Variants in SRPX2 observed in about 807,000 individuals in gnomAD.
The protein encoded by SRPX2 is sushi repeat-containing protein SRPX2.
A neutral mutation model predicts 45.3 loss-of-function variants in SRPX2; 26 were observed. The observed-to-expected ratio is 0.57, with a 90% CI of 0.42 to 0.80. The LOEUF is 0.80. Among genes scored for constraint, SRPX2 ranks in the 30% least tolerant of loss-of-function variants. The probability of loss-of-function intolerance (pLI) is 0.00; values close to 1 mark genes in which losing one functional copy is unlikely to be tolerated. For synonymous variants in SRPX2, 125 were observed against 143.7 expected (o/e 0.87, Z 0.93); for missense variants, 355 against 399.8 (o/e 0.89, Z 0.95).
chrX:100,648,467 G>C (rs1176138684), intron 2 of SRPX2, among the ~76,000 whole-genome samples: 1 of 111,752 alleles, frequency 8.9e-6, no homozygotes, highest in Admixed American at 9.5e-5. Context: ...CAGGGCTGAA[G>C]AGGGACAAGC....
chrX:100,665,421 C>T lies in SRPX2; in HGVS notation c.659+52C>T, dbSNP rs760496598. 7.5e-6 allele frequency: 9 copies of T among 1,206,172 alleles called. No homozygotes were observed. The East Asian group carries it at 2.7e-4, about 36-fold the overall frequency. ...ATGCCTTCCCTCGGCTTCTCTCAGT[C>T]ATTCAGGCTGGTCACATTGAAACTG... On this transcript the variant is annotated intron_variant, in intron 6 of 10. Transcript: ENST00000373004.
chrX:100,660,047 C>T (rs886301174), intron 3 of SRPX2, among the ~76,000 whole-genome samples: 1 of 111,842 alleles, frequency 8.9e-6, no homozygotes, highest in Non-Finnish European at 1.9e-5. Context: ...GTGCTCAGTA[C>T]TGAACTGGGA....
chrX:100,648,134 GA>G (rs34905837), intron 2 of SRPX2, among the ~76,000 whole-genome samples: 1 of 112,396 alleles, frequency 8.9e-6, no homozygotes, highest in Non-Finnish European at 1.9e-5. Context: ...GGGCTAATCA[GA>G]AAAAGGGTCC....
In SRPX2 at chrX:100,671,325, C is replaced by A. The variant is rs2083224057; in HGVS notation, c.*338C>A. 2 of 294,786 alleles carry A rather than the reference C, an allele frequency of 6.8e-6. No homozygotes were observed. Among genetic ancestry groups the A allele is most frequent in the Non-Finnish European group, 1.2e-5 (2 of 163,516 alleles). The allele number at this position is 294,786 out of a possible 1,213,427, so 24.3% of individuals were successfully genotyped here. ...CTGGCTGTTTTAACTGGTTCCTCTA[C>A]CCTGAGGTGACAGCAGAGGGCAGCA... On this transcript the variant is annotated 3_prime_UTR_variant, in exon 11 of 11. Transcript: ENST00000373004.
chrX:100,665,980 C>G (rs1387256907), intron 7 of SRPX2, among the ~76,000 whole-genome samples: 2 of 112,171 alleles, frequency 1.8e-5, no homozygotes, highest in Non-Finnish European at 3.8e-5. Context: ...ATCATTCTGT[C>G]GTTCACCTCT....
chrX:100,670,547 C>G (rs2083220836), intron 10 of SRPX2, among the ~76,000 whole-genome samples: 1 of 111,754 alleles, frequency 8.9e-6, no homozygotes, highest in Non-Finnish European at 1.9e-5. Flanking sequence ...GAAAGCACCG[C>G]CTGTTAATAA....
chrX:100,658,915 T>C (rs1335602872), intron 3 of SRPX2, among the ~76,000 whole-genome samples: 1 of 112,175 alleles, frequency 8.9e-6, no homozygotes, highest in Non-Finnish European at 1.9e-5. Flanking sequence ...CAGTTTCCCA[T>C]GGGCATTCTT....
chrX:100,667,572 C>T (rs763741911), intron 9 of SRPX2, among the ~76,000 whole-genome samples, 165 bp downstream of exon 9: 6 of 112,256 alleles, frequency 5.3e-5, no homozygotes, highest in Admixed American at 2.8e-4. Context: ...ATTTAAAAAA[C>T]TGTTTTTACT....
Position 100,666,915 on chromosome X carries a change from T to C in SRPX2, c.943T>C (p.Ser315Pro), listed in dbSNP as rs796053344. 1 of 1,208,292 alleles carries C rather than the reference T, an allele frequency of 8.3e-7. No individual in the cohort carries two copies. The highest frequency in any genetic ancestry group is 2.2e-5 in the Admixed American group (1 of 45,682). ...VCQSSRQWSG[S>P]PPICAPMKIN... ...TCAGTCCAGCCGCCAGTGGTCAGGT[T>C]CACCACCAATCTGTGCTCGTGAGTG... The change falls in exon 8 of 11, where the codon TCA becomes CCA. Residue 315 changes from serine (S) to proline (P), a missense_variant. Transcript: ENST00000373004.
chrX:100,669,327 T>C lies in SRPX2; in HGVS notation c.1175T>C (p.Ile392Thr). 1 of 1,135,672 alleles carries C rather than the reference T, an allele frequency of 8.8e-7. No homozygotes were observed. Among genetic ancestry groups the C allele is most frequent in the Non-Finnish European group, 1.2e-6 (1 of 852,092 alleles). 93.6% of individuals were successfully genotyped at this position (1,135,672 alleles called of 1,213,427 possible). ...VGQPPQEVGR[I>T]REQQLSANII... ...CAGCCACCTCAGGAGGTGGGGCGCA[T>C]CCGGGAGCAACAGCTGTCAGCCAAC... Residue 392 changes from isoleucine (I) to threonine (T), a missense_variant, in exon 10 of 11, where the codon ATC becomes ACC. Ile to Thr is a moderately conservative substitution (Grantham distance 89). Transcript: ENST00000373004.
intron 10 of SRPX2, among the ~76,000 whole-genome samples, chrX:100,669,806 CTT>C (rs1180782328): frequency 6.5e-5 from 4 of 61,262 alleles, no homozygotes; most frequent in Admixed American, 2.7e-4. Flanking sequence ...CAGTTTTGCT[CTT>C]GTCGCCCAGG....
chrX:100,651,654 T>C (rs2083153758), intron 3 of SRPX2, among the ~76,000 whole-genome samples: 1 of 109,163 alleles, frequency 9.2e-6, no homozygotes, highest in Non-Finnish European at 1.9e-5. Context: ...TGGTGGCATG[T>C]GCCTATAATC....
At position 100,662,369 on chromosome X, in the gene SRPX2, T is replaced by TAAGTTGTG; in HGVS notation, c.355+3_355+10dup. The TAAGTTGTG allele has an allele frequency of 8.3e-7, 1 of 1,210,874 alleles. No homozygotes were observed. The highest frequency in any genetic ancestry group is 1.8e-5 in the South Asian group (1 of 56,949). The stretch of plus-strand genomic sequence containing the variant: ...GGTCTGGAACTGCCTACTGCAGGCG[T>TAAGTTGTG]AAGTTGTGTGTGTGCATATGCTGAT... On this transcript the variant is annotated splice_region_variant and intron_variant, in intron 4 of 10. Transcript: ENST00000373004.
At chrX:100,656,509 T>C (rs1407579503) in intron 3 of SRPX2, among the ~76,000 whole-genome samples, 1 of 111,821 alleles carries the variant, frequency 8.9e-6, no homozygotes. Context: ...TCTATCATTC[T>C]ATTCTCTATG....
Position 100,671,859 on chromosome X carries a change from T to C in SRPX2, c.*872T>C, listed in dbSNP as rs1248283837. 1 of 112,035 alleles carries C rather than the reference T, an allele frequency of 8.9e-6. No individual in the cohort carries two copies. The highest frequency in any genetic ancestry group is 1.9e-5 in the Non-Finnish European group (1 of 53,231). The allele number at this position is 112,035 out of a possible 1,213,427, so 9.2% of individuals were successfully genotyped here. ...GTGGGAGAGAGCTTGGTAAGATGTA[T>C]CCAATCAGAGCAGAATGTTCTCTGG... is the stretch of plus-strand genomic sequence containing the variant. On this transcript the variant is annotated 3_prime_UTR_variant, in exon 11 of 11. Coordinates refer to ENST00000373004, the MANE Select transcript of SRPX2 (RefSeq NM_014467.3).
intron 8 of SRPX2, 29 bp from the exon 9 acceptor site, chrX:100,667,245 C>A: frequency 8.3e-7 from 1 of 1,211,949 alleles, no homozygotes; most frequent in South Asian, 1.8e-5. Flanking sequence ...GAAAGCCGTA[C>A]TCTGACTGGT....
intron 4 of SRPX2, among the ~76,000 whole-genome samples, chrX:100,663,798 G>C (rs2083195179): frequency 8.9e-6 from 1 of 112,262 alleles, no homozygotes; most frequent in Non-Finnish European, 1.9e-5. Context: ...GCCACACGTG[G>C]TGTCCAAGGC....
intron 3 of SRPX2, among the ~76,000 whole-genome samples, chrX:100,657,790 T>C (rs1218663060): frequency 8.9e-6 from 1 of 112,438 alleles, no homozygotes; most frequent in African/African-American, 3.2e-5. Flanking sequence ...TTGAGAAATA[T>C]CTGTTCATGT....
In SRPX2 at chrX:100,672,812, G is replaced by C. The variant is rs192644961; in HGVS notation, c.*1825G>C. The C allele has an allele frequency of 1.8e-5, 2 of 112,127 alleles. No individual in the cohort carries two copies. Among genetic ancestry groups the C allele is most frequent in the Admixed American group, 9.4e-5 (1 of 10,584 alleles). 9.2% of individuals were successfully genotyped at this position (112,127 alleles called of 1,213,427 possible). ...CCTGAGAAAATTCAGTCTTGAAAGC[G>C]GAGTGATGGGACATAAATCATGAGC... is the stretch of plus-strand genomic sequence containing the variant. On this transcript the variant is annotated 3_prime_UTR_variant, in exon 11 of 11. Coordinates refer to ENST00000373004, the MANE Select transcript of SRPX2 (RefSeq NM_014467.3).
Sources: gnomAD v4.1 joint callset for allele counts (sites outside exome capture counted in the v4.1 genomes callset) on GRCh38, gnomAD v4.1.1 for gene constraint, MANE v1.5 for transcripts, NCBI Gene and HGNC (gene_info 2026-07-23, HGNC 2026-07-21) for gene names.